Variants in CD74 observed in about 807,000 individuals in gnomAD.
CD74 encodes the protein HLA class II histocompatibility antigen gamma chain.
A neutral mutation model predicts 37.1 loss-of-function variants in CD74; 20 were observed. The observed-to-expected ratio is 0.54, with a 90% CI of 0.38 to 0.78. CD74 has a LOEUF of 0.78. Ranked by LOEUF, CD74 falls within the 30% of genes least tolerant of loss-of-function variation. The probability of loss-of-function intolerance (pLI) is 0.00; values close to 1 mark genes in which losing one functional copy is unlikely to be tolerated. For synonymous variants in CD74, 150 were observed against 152.0 expected, an observed-to-expected ratio of 0.99 and a Z score of 0.10; for missense variants, 338 against 389.5, an observed-to-expected ratio of 0.87 and a Z score of 1.11.
chr5:150,409,152 G>A (rs1770177232), intron 1 of CD74, among the ~76,000 whole-genome samples: 1 of 152,058 alleles, frequency 6.6e-6, no homozygotes, highest in African/African-American at 2.4e-5. Context: ...GAACCCGGGA[G>A]GCGGAGGTTG....
In CD74 at chr5:150,402,582, G is replaced by T. The variant is rs1218050778; in HGVS notation, c.861C>A (p.Thr287=). 1 of 1,613,810 alleles carries T rather than the reference G, an allele frequency of 6.2e-7. No individual in the cohort carries two copies. The highest frequency in any genetic ancestry group is 1.3e-5 in the African/African-American group (1 of 74,926). Residue 287 remains threonine, a synonymous_variant, in exon 8 of 9, where the codon ACC becomes ACA. Transcript: ENST00000009530. The surrounding 1 kb of genome is among the most constrained non-coding windows in gnomAD (Gnocchi z 4.2). Reference sequence around the variant, plus strand: ...CCTTACCTGGGCCCAGATCCTGCTTGGTCACACCCAGCCCAGAAGACGGGT... The same window carrying T: ...CCTTACCTGGGCCCAGATCCTGCTTTGTCACACCCAGCCCAGAAGACGGGT... ...LEDPSSGLGV[T]KQDLGPVPM
rs1460426140 is a variant in CD74, at chr5:150,401,769, G to A, written c.*471C>T. 6.6e-6 allele frequency: 4 copies of A among 604,504 alleles called. No individual in the cohort carries two copies. Among genetic ancestry groups the A allele is most frequent in the African/African-American group, 1.9e-5 (1 of 53,998 alleles). The allele number at this position is 604,504 out of a possible 1,614,324, so 37.4% of individuals were successfully genotyped here. A position where few individuals can be genotyped will look rare whatever the true frequency, so the allele number is the denominator to read the frequency against. On this transcript the variant is annotated 3_prime_UTR_variant, in exon 9 of 9. Coordinates refer to ENST00000009530, the MANE Select transcript of CD74 (RefSeq NM_001025159.3). The stretch of plus-strand genomic sequence containing the variant: ...GAAAACATTGGCTCTTCCTTGGGGA[G>A]TGATGCTGGGGAAAGGGAAGAGAGT...
Position 150,407,021 on chromosome 5 carries a change from C to T in CD74, c.299-61G>A. The T allele has an allele frequency of 1.3e-6, 2 of 1,536,268 alleles. No homozygotes were observed. The highest frequency in any genetic ancestry group is 8.9e-7 in the Non-Finnish European group (1 of 1,124,896). On this transcript the variant is annotated intron_variant, in intron 2 of 8. Transcript: ENST00000009530. The surrounding 1 kb of genome is among the most constrained non-coding windows in gnomAD (Gnocchi z 4.4). ...GTGCCCAGGGAGGAGGGTATCAGAC[C>T]CAGATGAGGAAGGGCTGGAATTCCA...
rs763512828 is a variant in CD74 at position 150,402,249 on chromosome 5, G to A, written c.882C>T (p.Val294=). ...LGVTKQDLGP[V]PM ...ACCGCCTCTGCTGCTCTCACATGGGGACTGGAGAGAGAAGCAGCAGGTTGA... is the reference window on the plus strand; with the variant it reads ...ACCGCCTCTGCTGCTCTCACATGGGAACTGGAGAGAGAAGCAGCAGGTTGA... The change falls in exon 9 of 9, where the codon GTC becomes GTT. Residue 294 remains valine (V), a splice_region_variant and synonymous_variant. Coordinates refer to ENST00000009530, the MANE Select transcript of CD74 (RefSeq NM_001025159.3). This position sits in a 1 kb window ranked among gnomAD's most constrained non-coding sequence, Gnocchi z 4.2. 8.1e-6 allele frequency: 13 copies of A among 1,596,806 alleles called. No homozygotes were observed. Among genetic ancestry groups the A allele is most frequent in the Non-Finnish European group, 1.1e-5 (13 of 1,169,776 alleles).
In CD74 at chr5:150,407,266, C is replaced by T. The variant is rs772690375; in HGVS notation, c.184G>A (p.Ala62Thr). ...AAGTAGGCGGTGGTGGCCTGGCCAG[C>T]GAGGAGCAGAGTCACCAGGATGGAA... ...GFSILVTLLL[A>T]GQATTAYFLY... Residue 62 changes from alanine to threonine, a missense_variant, in exon 2 of 9, where the codon GCT becomes ACT. Transcript: ENST00000009530. The surrounding 1 kb of genome is among the most constrained non-coding windows in gnomAD (Gnocchi z 4.4). 1.8e-5 allele frequency: 29 copies of T among 1,612,962 alleles called. No individual in the cohort carries two copies. Among genetic ancestry groups the T allele is most frequent in the South Asian group, 5.5e-5 (5 of 90,958 alleles).
intron 3 of CD74, 95 bp from the exon 4 acceptor site, chr5:150,406,416 G>T: frequency 3.2e-6 from 3 of 936,154 alleles, no homozygotes; most frequent in Non-Finnish European, 5.3e-6. Flanking sequence ...TAAGAGACTG[G>T]AATCGCAGGC....
rs746987244 is a variant in CD74, at chr5:150,412,735, TCTC to T, written c.12_14del (p.Arg5del). The T allele has an allele frequency of 1.2e-6, 2 of 1,614,018 alleles. No individual in the cohort carries two copies. The highest frequency in any genetic ancestry group is 1.1e-5 in the South Asian group (1 of 91,076). ...TCTGATCTTCCCGACAGCTCCTGCTTCTCCTCCTGTGCATCTGGGACCCTGACC... is the reference window on the plus strand; with the variant it reads ...TCTGATCTTCCCGACAGCTCCTGCTTCTCCTGTGCATCTGGGACCCTGACC... On this transcript the variant is annotated inframe_deletion, in exon 1 of 9. Coordinates refer to ENST00000009530, the MANE Select transcript of CD74 (RefSeq NM_001025159.3).
In CD74 at chr5:150,404,782, G is replaced by A; in HGVS notation, c.538-15C>T. 6 of 1,542,224 alleles carry A rather than the reference G, an allele frequency of 3.9e-6. No individual in the cohort carries two copies. The highest frequency in any genetic ancestry group is 5.3e-6 in the Non-Finnish European group (6 of 1,134,034). On this transcript the variant is annotated splice_polypyrimidine_tract_variant and intron_variant, in intron 5 of 8. Transcript: ENST00000009530. ...CTCTCAAAGACCTAATACGGATAGA[G>A]GTGGAGGTCAGGTTCGATGGCCACC...
rs1278279707 is a variant in CD74 at position 150,402,497 on chromosome 5, A to C, written c.880+66T>G. On this transcript the variant is annotated intron_variant, in intron 8 of 8. Transcript: ENST00000009530. This position sits in a 1 kb window ranked among gnomAD's most constrained non-coding sequence, Gnocchi z 4.2. Reference sequence around the variant, plus strand: ...CAGCGTCACACTCCTTCACCTGCCCACAAAGGAGCTGGCCCTGCTGGGGAT... The same window carrying C: ...CAGCGTCACACTCCTTCACCTGCCCCCAAAGGAGCTGGCCCTGCTGGGGAT... 2.2e-6 allele frequency: 3 copies of C among 1,373,422 alleles called. No individual in the cohort carries two copies. Among genetic ancestry groups the C allele is most frequent in the Non-Finnish European group, 3.1e-6 (3 of 960,022 alleles). 85.1% of individuals were successfully genotyped at this position (1,373,422 alleles called of 1,614,324 possible).
chr5:150,406,887 G>A lies in CD74; in HGVS notation c.372C>T (p.Pro124=). The change falls in exon 3 of 9, where the codon CCC becomes CCT. Residue 124 remains proline (P), a synonymous_variant. Transcript: ENST00000009530. ...ACCCTGGGGCTGTCCTTACCCCCTG[G>A]GGCAGGGCTCCCATGGGCAGCGCCT... ...LMQALPMGAL[P]QGPMQNATKY... The A allele has an allele frequency of 6.6e-7, 1 of 1,506,414 alleles. No individual in the cohort carries two copies. Among genetic ancestry groups the A allele is most frequent in the Non-Finnish European group, 8.8e-7 (1 of 1,131,748 alleles). The allele number at this position is 1,506,414 out of a possible 1,614,324, so 93.3% of individuals were successfully genotyped here. A position where few individuals can be genotyped will look rare whatever the true frequency, so the allele number is the denominator to read the frequency against.
At position 150,404,777 on chromosome 5, in the gene CD74, A is replaced by G; in HGVS notation, c.538-10T>C. 1 of 1,549,612 alleles carries G rather than the reference A, an allele frequency of 6.5e-7. No individual in the cohort carries two copies. The highest frequency in any genetic ancestry group is 8.8e-7 in the Non-Finnish European group (1 of 1,139,842). Reference sequence around the variant, plus strand: ...TCCAGCTCTCAAAGACCTAATACGGATAGAGGTGGAGGTCAGGTTCGATGG... The same window carrying G: ...TCCAGCTCTCAAAGACCTAATACGGGTAGAGGTGGAGGTCAGGTTCGATGG... On this transcript the variant is annotated splice_polypyrimidine_tract_variant and intron_variant, in intron 5 of 8. Transcript: ENST00000009530.
chr5:150,407,131 A>G lies in CD74; in HGVS notation c.298+21T>C. 1 of 1,602,486 alleles carries G rather than the reference A, an allele frequency of 6.2e-7. No individual in the cohort carries two copies. Among genetic ancestry groups the G allele is most frequent in the East Asian group, 2.3e-5 (1 of 44,082 alleles). ...GGGATGGTGGGAGGTGGGGGGTATC[A>G]GGATGTAGGGGTGCACGCACGCTTG... On this transcript the variant is annotated intron_variant, in intron 2 of 8. Coordinates refer to ENST00000009530, the MANE Select transcript of CD74 (RefSeq NM_001025159.3). This position sits in a 1 kb window ranked among gnomAD's most constrained non-coding sequence, Gnocchi z 4.4.
chr5:150,405,043 C>A, intron 5 of CD74, 42 bp downstream of exon 5: 1 of 1,562,014 alleles, frequency 6.4e-7, no homozygotes, highest in Non-Finnish European at 8.8e-7. Context: ...GCCCTAGACA[C>A]CAGAGGAAAG....
In CD74 at chr5:150,407,014, A is replaced by G; in HGVS notation, c.299-54T>C. ...GGCCCCGGTGCCCAGGGAGGAGGGT[A>G]TCAGACCCAGATGAGGAAGGGCTGG... On this transcript the variant is annotated intron_variant, in intron 2 of 8. Coordinates refer to ENST00000009530, the MANE Select transcript of CD74 (RefSeq NM_001025159.3). This position sits in a 1 kb window ranked among gnomAD's most constrained non-coding sequence, Gnocchi z 4.4. 7.8e-6 allele frequency: 12 copies of G among 1,539,186 alleles called. No individual in the cohort carries two copies. In the South Asian group the frequency reaches 1.4e-4, roughly 18 times the overall value.
rs528017802 is a variant in CD74 at position 150,407,656 on chromosome 5, T to A, written c.126-332A>T. On this transcript the variant is annotated intron_variant, in intron 1 of 8. Transcript: ENST00000009530. The surrounding 1 kb of genome is among the most constrained non-coding windows in gnomAD (Gnocchi z 4.4). ...AGGGTCCTGCCTGTGCGATGAGGGGTTGAGGTGGGGGGGTCTTCCCAGGCT... is the reference window on the plus strand; with the variant it reads ...AGGGTCCTGCCTGTGCGATGAGGGGATGAGGTGGGGGGGTCTTCCCAGGCT... Among the ~76,000 whole-genome samples, 6 of 151,976 alleles carry A rather than the reference T, an allele frequency of 3.9e-5. No homozygotes were observed. In the South Asian group the frequency reaches 1.2e-3, roughly 32 times the overall value.
intron 5 of CD74, 92 bp downstream of exon 5, chr5:150,404,993 G>T: frequency 8.3e-7 from 1 of 1,210,216 alleles, no homozygotes; most frequent in Non-Finnish European, 1.2e-6. Flanking sequence ...TCCTGAGAAT[G>T]GCTTCCCCAG....
At chr5:150,411,342 AAC>A (rs1290193456) in intron 1 of CD74, among the ~76,000 whole-genome samples, 1 of 152,108 alleles carries the variant, frequency 6.6e-6, no homozygotes, top group Non-Finnish European at 1.5e-5. Flanking sequence ...TTCCTCACAA[AAC>A]AGTCTCCCTC....
chr5:150,412,805 A>C lies in CD74; in HGVS notation c.-56T>G. 6.2e-7 allele frequency: 1 copy of C among 1,609,126 alleles called. No individual in the cohort carries two copies. Among genetic ancestry groups the C allele is most frequent in the Non-Finnish European group, 8.5e-7 (1 of 1,178,268 alleles). ...AAAGTCGGTGCTGGAGAGGAATCTG[A>C]TTCGTCCACAGAAGGCCACTCCGCC... On this transcript the variant is annotated 5_prime_UTR_variant, in exon 1 of 9. Coordinates refer to ENST00000009530, the MANE Select transcript of CD74 (RefSeq NM_001025159.3).
Position 150,403,226 on chromosome 5 carries a change from A to G in CD74, c.712T>C (p.Tyr238His). The G allele has an allele frequency of 1.9e-6, 3 of 1,614,056 alleles. No homozygotes were observed. Among genetic ancestry groups the G allele is most frequent in the Non-Finnish European group, 2.5e-6 (3 of 1,179,896 alleles). The stretch of plus-strand genomic sequence containing the variant: ...CTCCCATAGCACTGGAGTGGCAGAT[A>G]GTTGCCGTTCTCGTCGCACTTGGGC... ...FRPKCDENGNYLPLQCYGSIG... is the reference protein window; with the variant it reads ...FRPKCDENGNHLPLQCYGSIG... The change falls in exon 7 of 9, where the codon TAT (tyrosine) becomes CAT (histidine). Residue 238 changes from tyrosine to histidine, a missense_variant. Coordinates refer to ENST00000009530, the MANE Select transcript of CD74 (RefSeq NM_001025159.3). This position sits in a 1 kb window ranked among gnomAD's most constrained non-coding sequence, Gnocchi z 4.5.
Sources: gnomAD v4.1 joint callset for allele counts (sites outside exome capture counted in the v4.1 genomes callset) on GRCh38, gnomAD v4.1.1 for gene constraint, Gnocchi (gnomAD v3.1) non-coding constraint, MANE v1.5 for transcripts, NCBI Gene and HGNC (gene_info 2026-07-23, HGNC 2026-07-21) for gene names.